ZNF236: variants seen among roughly 807,000 people sequenced by gnomAD.
The protein encoded by ZNF236 is regulated by glucose.
In ZNF236, 50 loss-of-function variants were observed where a neutral mutation model predicts 191.2. The ratio of observed to expected loss-of-function variants is 0.26; its 90% confidence interval spans 0.21 to 0.33. The LOEUF (loss-of-function observed/expected upper bound fraction) is 0.33, where lower values mean the gene tolerates loss of function less well. Among genes scored for constraint, ZNF236 ranks in the 10% least tolerant of loss-of-function variants. The probability of loss-of-function intolerance (pLI) is 1.00; values close to 1 mark genes in which losing one functional copy is unlikely to be tolerated. For synonymous variants in ZNF236, 907 were observed against 928.8 expected, an observed-to-expected ratio of 0.98 and a Z score of 0.43; for missense variants, 1,754 against 2,374.5, an observed-to-expected ratio of 0.74 and a Z score of 5.43.
chr18:76,957,453 T>G (rs909125415), intron 28 of ZNF236, among the ~76,000 whole-genome samples: 3 of 152,200 alleles, frequency 2.0e-5, no homozygotes, highest in Admixed American at 1.3e-4. Context: ...CCCGAGACCC[T>G]CAGTCCTCCC....
chr18:76,892,813 C>T (rs1211769226), intron 9 of ZNF236, among the ~76,000 whole-genome samples: 2 of 152,170 alleles, frequency 1.3e-5, no homozygotes, highest in Admixed American at 6.5e-5. Context: ...GTGATCCGCC[C>T]GCCTCGGCCT....
chr18:76,947,350 G>T (rs1221567313), intron 26 of ZNF236, among the ~76,000 whole-genome samples, 171 bp from the exon 27 acceptor site: 1 of 152,134 alleles, frequency 6.6e-6, no homozygotes, highest in Non-Finnish European at 1.5e-5. Flanking sequence ...TCTGTACAAG[G>T]CTTCTGTTTT....
intron 25 of ZNF236, among the ~76,000 whole-genome samples, chr18:76,934,823 A>G (rs2122870330): frequency 6.6e-6 from 1 of 152,152 alleles, no homozygotes; most frequent in East Asian, 1.9e-4. Context: ...GCAAGAAAAA[A>G]CTGATATCAT....
chr18:76,869,620 A>C (rs191123296), intron 4 of ZNF236, among the ~76,000 whole-genome samples: 17 of 152,332 alleles, frequency 1.1e-4, no homozygotes, highest in Non-Finnish European at 2.4e-4. Flanking sequence ...GGTGATAATC[A>C]GTTTTCACAC....
chr18:76,862,349 A>G (rs1442814385), intron 3 of ZNF236, among the ~76,000 whole-genome samples: 3 of 152,180 alleles, frequency 2.0e-5, no homozygotes, highest in African/African-American at 7.2e-5. Flanking sequence ...ATGAAATGCC[A>G]ACTGAAAAGC....
At chr18:76,823,335 G>A (rs1042942076) in intron 1 of ZNF236, among the ~76,000 whole-genome samples, 2 of 151,746 alleles carry the variant, frequency 1.3e-5, no homozygotes, top group Admixed American at 1.3e-4. Context: ...TGAACCCTGA[G>A]CCTCTGCAGA....
At chr18:76,963,386 G>A (rs1182763683) in intron 30 of ZNF236, among the ~76,000 whole-genome samples, 1 of 152,136 alleles carries the variant, frequency 6.6e-6, no homozygotes, top group East Asian at 1.9e-4. Context: ...TTATCGACTT[G>A]CATATGTTAA....
In ZNF236 at chr18:76,881,269, T is replaced by G. The variant is rs1976884916; in HGVS notation, c.1189-15T>G. On this transcript the variant is annotated splice_polypyrimidine_tract_variant and intron_variant, in intron 8 of 30. Coordinates refer to ENST00000320610, the MANE Select transcript of ZNF236 (RefSeq NM_001306089.2). ...CATCGTTACCTTCTAACCTTTTAGT[T>G]TTGTTCTGTCTTAGCAAGCCTTAGA... is the stretch of plus-strand genomic sequence containing the variant. 1.2e-6 allele frequency: 2 copies of G among 1,609,638 alleles called. No homozygotes were observed. Among genetic ancestry groups the G allele is most frequent in the Non-Finnish European group, 1.7e-6 (2 of 1,178,554 alleles).
Position 76,968,215 on chromosome 18 carries a change from G to C in ZNF236, c.5420G>C (p.Gly1807Ala). Residue 1807 changes from glycine to alanine, a missense_variant and splice_region_variant, in exon 31 of 31, where the codon GGA becomes GCA. Gly to Ala is a moderately conservative substitution (Grantham distance 60). Transcript: ENST00000320610. ...LHMKRAHSYA[G>A]ALQESAGHPE... ...TGTGTTTTCTTTGTCTGCATAACAGGAGCTCTGCAGGAGTCTGCAGGTCAC... is the reference window on the plus strand; with the variant it reads ...TGTGTTTTCTTTGTCTGCATAACAGCAGCTCTGCAGGAGTCTGCAGGTCAC... The C allele has an allele frequency of 6.2e-7, 1 of 1,613,884 alleles. No individual in the cohort carries two copies. The highest frequency in any genetic ancestry group is 8.5e-7 in the Non-Finnish European group (1 of 1,179,906).
At chr18:76,848,393 G>A (rs1028489446) in intron 1 of ZNF236, among the ~76,000 whole-genome samples, 3 of 152,084 alleles carry the variant, frequency 2.0e-5, no homozygotes, top group Non-Finnish European at 2.9e-5. Context: ...AGTATATTAC[G>A]TATTTATGTC....
intron 1 of ZNF236, among the ~76,000 whole-genome samples, chr18:76,847,673 G>T (rs946815191): frequency 2.0e-5 from 3 of 152,098 alleles, no homozygotes; most frequent in Non-Finnish European, 4.4e-5. Flanking sequence ...GTTTCACCGT[G>T]TTAGCCAGGA....
At chr18:76,922,543 T>G (rs909797701) in intron 20 of ZNF236, among the ~76,000 whole-genome samples, 1 of 150,194 alleles carries the variant, frequency 6.7e-6, no homozygotes, top group Non-Finnish European at 1.5e-5. Context: ...AGTTCTTGGG[T>G]TTTTTAAGGA....
At chr18:76,935,858 A>C in intron 25 of ZNF236, 1 of 406,248 alleles carries the variant, frequency 2.5e-6, no homozygotes, top group Non-Finnish European at 5.0e-6. Context: ...TCGGGCTCCC[A>C]CCAGCACTCT....
intron 3 of ZNF236, among the ~76,000 whole-genome samples, chr18:76,858,770 G>A (rs544255256): frequency 4.4e-4 from 12 of 27,564 alleles, no homozygotes; most frequent in East Asian, 3.8e-3. Context: ...AGCTGGAGGC[G>A]GGTGCAGGTG....
At position 76,880,714 on chromosome 18, in the gene ZNF236, T is replaced by G. The variant is rs569412270; in HGVS notation, c.1188+398T>G. Among the ~76,000 whole-genome samples the G allele has an allele frequency of 3.7e-4, 57 of 152,276 alleles. No individual in the cohort carries two copies. Among genetic ancestry groups the G allele is most frequent in the Non-Finnish European group, 7.5e-4 (51 of 68,022 alleles). On this transcript the variant is annotated intron_variant, in intron 8 of 30. Transcript: ENST00000320610. This position sits in a 1 kb window ranked among gnomAD's most constrained non-coding sequence, Gnocchi z 5.0. ...CTGAGAGCGTTCATACTGCCTGGCC[T>G]TCTCTCGTGGGTGTGTGGGCAGCAC...
intron 3 of ZNF236, among the ~76,000 whole-genome samples, chr18:76,855,605 T>C (rs536984917): frequency 1.1e-4 from 16 of 152,378 alleles, no homozygotes; most frequent in African/African-American, 2.6e-4. Flanking sequence ...TGTATCATAA[T>C]TAGGAAGTCA....
intron 13 of ZNF236, 84 bp downstream of exon 13, chr18:76,905,499 T>A: frequency 7.1e-7 from 1 of 1,411,692 alleles, no homozygotes; most frequent in East Asian, 2.3e-5. Flanking sequence ...AATAATTGTC[T>A]TTGATTCTTA....
chr18:76,900,559 C>T (rs1977560248), intron 11 of ZNF236, among the ~76,000 whole-genome samples: 1 of 152,080 alleles, frequency 6.6e-6, no homozygotes, highest in African/African-American at 2.4e-5. Context: ...TCTTTGATTA[C>T]AGTTCACTGA....
intron 9 of ZNF236, chr18:76,888,021 C>T (rs17060015): frequency 0.21 from 31,602 of 148,396 alleles, 3,653 homozygotes; most frequent in Middle Eastern, 0.3. Flanking sequence ...GCACTGTTCC[C>T]AGTGTTCTAG....
Sources: gnomAD v4.1 joint callset for allele counts (sites outside exome capture counted in the v4.1 genomes callset) on GRCh38, gnomAD v4.1.1 for gene constraint, Gnocchi (gnomAD v3.1) non-coding constraint, MANE v1.5 for transcripts, NCBI Gene and HGNC (gene_info 2026-07-23, HGNC 2026-07-21) for gene names.